NTN1: variants seen among roughly 807,000 people sequenced by gnomAD.
NTN1 encodes the protein netrin 1.
A neutral mutation model predicts 54.2 loss-of-function variants in NTN1; 11 were observed. The ratio of observed to expected loss-of-function variants is 0.20; its 90% CI spans 0.13 to 0.34. NTN1 has a LOEUF of 0.34. Among genes scored for constraint, NTN1 ranks in the 10% least tolerant of loss-of-function variants. NTN1 has a pLI of 1.00. For synonymous variants in NTN1, 371 were observed against 382.0 expected (o/e 0.97, Z 0.33); for missense variants, 740 against 893.1 (o/e 0.83, Z 2.18).
chr17:9,043,769 G>A (rs2091931234), intron 2 of NTN1, among the ~76,000 whole-genome samples: 2 of 152,040 alleles, frequency 1.3e-5, no homozygotes, highest in East Asian at 1.9e-4. Context: ...TAGTAGAGAC[G>A]GGGTTTCACC....
At chr17:9,056,559 C>T (rs574222589) in intron 2 of NTN1, among the ~76,000 whole-genome samples, 1 of 152,284 alleles carries the variant, frequency 6.6e-6, no homozygotes, top group South Asian at 2.1e-4. Flanking sequence ...AGTTAGAGAC[C>T]ACCAAGTAGG....
At chr17:9,080,489 A>G (rs1442684120) in intron 2 of NTN1, among the ~76,000 whole-genome samples, 2 of 152,208 alleles carry the variant, frequency 1.3e-5, no homozygotes. Flanking sequence ...TCTCATTGTA[A>G]TATTGCGAAA....
At chr17:9,237,314 C>G (rs1041366485) in intron 6 of NTN1, among the ~76,000 whole-genome samples, 38 of 152,264 alleles carry the variant, frequency 2.5e-4, no homozygotes, top group African/African-American at 8.7e-4. Context: ...GTCCTCATCT[C>G]CTCTTACAAG....
At chr17:9,090,726 C>G (rs1381160438) in intron 2 of NTN1, among the ~76,000 whole-genome samples, 1 of 151,966 alleles carries the variant, frequency 6.6e-6, no homozygotes, top group Non-Finnish European at 1.5e-5. Context: ...GAACATTTAG[C>G]TTTTTGTTGT....
intron 2 of NTN1, among the ~76,000 whole-genome samples, chr17:9,101,685 G>A (rs144784083): frequency 2.9e-4 from 44 of 151,014 alleles, no homozygotes; most frequent in Non-Finnish European, 4.6e-4. Flanking sequence ...CCTTCTTATT[G>A]GGGGATTGTG....
At chr17:9,200,947 C>T (rs1045208545) in intron 5 of NTN1, among the ~76,000 whole-genome samples, 3 of 152,152 alleles carry the variant, frequency 2.0e-5, no homozygotes, top group African/African-American at 2.4e-5. Flanking sequence ...AAGTCTTCTG[C>T]AGCCCAAGTG....
intron 2 of NTN1, among the ~76,000 whole-genome samples, chr17:9,046,777 C>A (rs1373938538): frequency 6.6e-6 from 1 of 151,950 alleles, no homozygotes. Flanking sequence ...CAGAGAAAGA[C>A]CCTGTCTCCA....
the NTN1 span, among the ~76,000 whole-genome samples, chr17:9,013,151 A>T: frequency 0.39 from 59,434 of 150,886 alleles, 12,290 homozygotes; most frequent in Middle Eastern, 0.49. Flanking sequence ...CCAGGGAAGA[A>T]TCTTCCTACC....
intron 6 of NTN1, among the ~76,000 whole-genome samples, chr17:9,230,327 C>T (rs1196981620): frequency 1.3e-5 from 2 of 152,154 alleles, no homozygotes; most frequent in East Asian, 1.9e-4. Flanking sequence ...GCTTGCCCCC[C>T]TGTCCAGGGA....
the NTN1 span, among the ~76,000 whole-genome samples, chr17:9,011,889 T>TG: frequency 2.2e-4 from 34 of 152,148 alleles, no homozygotes; most frequent in Non-Finnish European, 8.8e-5. Context: ...CGCCTGGCCC[T>TG]GGGGGGCTTT....
chr17:9,008,542 C>T, the NTN1 span, among the ~76,000 whole-genome samples: 6 of 152,030 alleles, frequency 3.9e-5, no homozygotes, highest in African/African-American at 1.2e-4. Flanking sequence ...AGGCTGGTCT[C>T]GAACTCCTGA....
rs544456345 is a variant in NTN1 at position 9,133,586 on chromosome 17, A to ATT, written c.1019-29208_1019-29207dup. Among the ~76,000 whole-genome samples, 325 of 131,034 alleles carry ATT rather than the reference A, an allele frequency of 2.5e-3. 2 individuals carry two copies. Among genetic ancestry groups the ATT allele is most frequent in the South Asian group, 0.012 (48 of 4,010 alleles). 86.0% of individuals were successfully genotyped at this position (131,034 alleles called of 152,430 possible). A position where few individuals can be genotyped will look rare whatever the true frequency, so the allele number is the denominator to read the frequency against. On this transcript the variant is annotated intron_variant, in intron 2 of 6. Transcript: ENST00000173229. ...TTCTGTGCAGGGACCTTCTCATTGA[A>ATT]TTTTTTTTTTTTTTTTTTTTGAGAC...
At chr17:9,187,290 C>G (rs2092436290) in intron 5 of NTN1, among the ~76,000 whole-genome samples, 1 of 151,954 alleles carries the variant, frequency 6.6e-6, no homozygotes, top group Non-Finnish European at 1.5e-5. Flanking sequence ...GTTGGACTGC[C>G]CGAGGCAGGG....
At chr17:9,120,185 T>C (rs11651348) in intron 2 of NTN1, among the ~76,000 whole-genome samples, 40,475 of 150,464 alleles carry the variant, frequency 0.27, 6,003 homozygotes, top group African/African-American at 0.4. Context: ...CTCAGGAGGC[T>C]AAGGCAGGAG....
intron 2 of NTN1, among the ~76,000 whole-genome samples, chr17:9,106,958 A>G (rs1210760931): frequency 2.0e-5 from 3 of 152,144 alleles, no homozygotes; most frequent in African/African-American, 7.2e-5. Context: ...TGTCACACCA[A>G]CCACATACTG....
intron 5 of NTN1, among the ~76,000 whole-genome samples, chr17:9,204,176 G>GTTCCTTCCTTCCTTTCCTTCCTTCCTTCC (rs1904893360): frequency 8.5e-6 from 1 of 117,420 alleles, no homozygotes; most frequent in African/African-American, 4.2e-5. Flanking sequence ...CTTAGTAACC[G>GTTCCTTCCTTCCTTTCCTTCCTTCCTTCC]TTCCTTCCTT....
At chr17:9,171,281 A>G (rs1411200950) in intron 3 of NTN1, 3 of 152,178 alleles carry the variant, frequency 2.0e-5, no homozygotes, top group African/African-American at 7.2e-5. Context: ...CTAGGATGTG[A>G]GGGGACTGTC....
chr17:9,150,159 C>T (rs1293220444), intron 2 of NTN1, among the ~76,000 whole-genome samples: 5 of 152,214 alleles, frequency 3.3e-5, no homozygotes, highest in South Asian at 4.2e-4. Context: ...GCCAAGATCA[C>T]GCCACTGCCC....
At chr17:9,017,587 C>T (rs1443491008), upstream of NTN1, among the ~76,000 whole-genome samples, 3 of 152,172 alleles carry the variant, frequency 2.0e-5, no homozygotes, top group Admixed American at 6.5e-5. Context: ...TAGGGTGATC[C>T]GTCTGGCTTC....
Sources: gnomAD v4.1 joint callset for allele counts (sites outside exome capture counted in the v4.1 genomes callset) on GRCh38, gnomAD v4.1.1 for gene constraint, MANE v1.5 for transcripts, NCBI Gene and HGNC (gene_info 2026-07-23, HGNC 2026-07-21) for gene names.